HERC3: variants seen among roughly 807,000 people sequenced by gnomAD.
The protein encoded by HERC3 is HECT and RLD domain containing E3 ubiquitin protein ligase 3.
A neutral mutation model predicts 129.9 loss-of-function variants in HERC3; 58 were observed. That is an observed-to-expected ratio of 0.45 (90% CI 0.36 to 0.56). The LOEUF is 0.56. Ranked by LOEUF, HERC3 falls within the 20% of genes least tolerant of loss-of-function variation. The pLI is 0.00. For missense variants in HERC3, 835 were observed against 1,244.2 expected (o/e 0.67, Z 4.95); for synonymous variants, 430 against 451.0 (o/e 0.95, Z 0.59).
At chr4:88,702,893 C>T (rs1735448216) in intron 23 of HERC3, among the ~76,000 whole-genome samples, 1 of 152,122 alleles carries the variant, frequency 6.6e-6, no homozygotes, top group Non-Finnish European at 1.5e-5. Flanking sequence ...GGACAATGGC[C>T]AGGCCATATA....
the HERC3 span, chr4:88,524,019 A>G: frequency 3.2e-5 from 12 of 371,778 alleles, no homozygotes; most frequent in East Asian, 5.8e-4. Flanking sequence ...CTGTCCAAGG[A>G]TGCTAGGAAG....
intron 3 of HERC3, among the ~76,000 whole-genome samples, chr4:88,629,000 C>T (rs922480651): frequency 6.6e-5 from 10 of 152,102 alleles, no homozygotes; most frequent in Non-Finnish European, 1.5e-4. Context: ...GTGGTGAAAC[C>T]CGTCTTTACT....
the HERC3 span, among the ~76,000 whole-genome samples, chr4:88,535,119 T>C: frequency 1.3e-5 from 2 of 152,212 alleles, no homozygotes; most frequent in African/African-American, 4.8e-5. Flanking sequence ...GAAAGTAAAT[T>C]GAGTCCTGAG....
At chr4:88,633,260 T>C (rs990652522) in intron 3 of HERC3, among the ~76,000 whole-genome samples, 1 of 152,086 alleles carries the variant, frequency 6.6e-6, no homozygotes, top group Non-Finnish European at 1.5e-5. Context: ...GGAAACGATA[T>C]CAGAAGGAAT....
intron 23 of HERC3, among the ~76,000 whole-genome samples, chr4:88,688,202 G>A (rs1175574947): frequency 1.3e-5 from 2 of 152,180 alleles, no homozygotes; most frequent in Non-Finnish European, 2.9e-5. Flanking sequence ...GGCACCAGAT[G>A]AGTTGGGACT....
chr4:88,629,575 T>C, intron 3 of HERC3, among the ~76,000 whole-genome samples: 1 of 152,200 alleles, frequency 6.6e-6, no homozygotes, highest in East Asian at 1.9e-4. Flanking sequence ...AACTGCTAGA[T>C]CAAAAGACAT....
intron 23 of HERC3, chr4:88,697,857 C>CGGCCGCGGGAATGACGTT (rs1734822394): frequency 1.4e-6 from 2 of 1,464,038 alleles, no homozygotes; most frequent in Non-Finnish European, 1.8e-6. Context: ...CGGTGACGTG[C>CGGCCGCGGGAATGACGTT]GGCCGCGGGA....
chr4:88,562,242 T>A, the HERC3 span, among the ~76,000 whole-genome samples: 1 of 152,228 alleles, frequency 6.6e-6, no homozygotes, highest in African/African-American at 2.4e-5. Context: ...ATTTTTCTGG[T>A]GATCAGTAAT....
chr4:88,697,388 G>A, intron 23 of HERC3: 2 of 1,613,974 alleles, frequency 1.2e-6, no homozygotes, highest in Non-Finnish European at 1.7e-6. Flanking sequence ...TCGCCGGTGA[G>A]CTCTTGGATC....
intron 23 of HERC3, among the ~76,000 whole-genome samples, chr4:88,693,986 C>T (rs1188814178): frequency 1.3e-5 from 2 of 152,136 alleles, no homozygotes; most frequent in African/African-American, 4.8e-5. Flanking sequence ...GTCCAGGAAA[C>T]AATATAAAGA....
chr4:88,551,970 T>A, the HERC3 span, among the ~76,000 whole-genome samples: 2 of 152,084 alleles, frequency 1.3e-5, no homozygotes, highest in African/African-American at 2.4e-5. Flanking sequence ...AATGATGAGT[T>A]CATGTCCTTT....
chr4:88,585,292 C>T, the HERC3 span, among the ~76,000 whole-genome samples: 1 of 152,168 alleles, frequency 6.6e-6, no homozygotes, highest in African/African-American at 2.4e-5. Context: ...TCAACCACAG[C>T]AGGTTACAAA....
In HERC3 at chr4:88,707,301, C is replaced by G. The variant is rs985381470; in HGVS notation, c.*341C>G. ...TTAAACTTTAATTTCCCAAATGTCT[C>G]TCTCAGCCCTGATGTTTTCTCACAG... On this transcript the variant is annotated 3_prime_UTR_variant, in exon 26 of 26. Transcript: ENST00000402738. 1 of 269,588 alleles carries G rather than the reference C, an allele frequency of 3.7e-6. No homozygotes were observed. The highest frequency in any genetic ancestry group is 7.2e-6 in the Non-Finnish European group (1 of 139,408). The allele number at this position is 269,588 out of a possible 1,614,324, so 16.7% of individuals were successfully genotyped here. A position where few individuals can be genotyped will look rare whatever the true frequency, so the allele number is the denominator to read the frequency against.
intron 3 of HERC3, among the ~76,000 whole-genome samples, chr4:88,617,765 G>A (rs556276191): frequency 6.6e-6 from 1 of 152,254 alleles, no homozygotes; most frequent in South Asian, 2.1e-4. Context: ...CAGCTACTCG[G>A]GAGGCTGAGG....
chr4:88,536,478 C>A, the HERC3 span, among the ~76,000 whole-genome samples: 1 of 152,174 alleles, frequency 6.6e-6, no homozygotes, highest in Non-Finnish European at 1.5e-5. Flanking sequence ...CTCACTCACT[C>A]TTATTATAAC....
intron 3 of HERC3, among the ~76,000 whole-genome samples, chr4:88,626,242 C>G (rs1726082123): frequency 6.6e-6 from 1 of 151,876 alleles, no homozygotes. Flanking sequence ...GAGACAAGAT[C>G]TCTCAAAAGT....
the HERC3 span, among the ~76,000 whole-genome samples, chr4:88,551,980 TG>T: frequency 1.3e-5 from 2 of 152,062 alleles, no homozygotes; most frequent in Non-Finnish European, 2.9e-5. Flanking sequence ...TCATGTCCTT[TG>T]TAGGGACATG....
At chr4:88,638,092 G>T (rs990399759) in intron 3 of HERC3, among the ~76,000 whole-genome samples, 2 of 152,176 alleles carry the variant, frequency 1.3e-5, no homozygotes, top group Admixed American at 6.5e-5. Flanking sequence ...AATTGAGTCA[G>T]TAATAGATAC....
the HERC3 span, among the ~76,000 whole-genome samples, chr4:88,576,708 C>A: frequency 2.0e-5 from 3 of 152,042 alleles, no homozygotes; most frequent in East Asian, 1.9e-4. Flanking sequence ...TTTTTTGGAT[C>A]ATTTCTTCAA....
Sources: allele counts gnomAD v4.1 joint callset (sites outside exome capture counted in the v4.1 genomes callset), GRCh38; gene constraint gnomAD v4.1.1; transcripts MANE v1.5; gene names NCBI Gene and HGNC (gene_info 2026-07-23, HGNC 2026-07-21).